The following OSBPL3 variants were observed in gnomAD, a reference collection of about 807,000 sequenced individuals.
The protein encoded by OSBPL3 is oxysterol-binding protein-related protein 3.
Under a neutral mutation model 120.1 loss-of-function variants are expected in OSBPL3, and 65 were observed. That is an observed-to-expected ratio of 0.54 (90% confidence interval 0.44 to 0.67). OSBPL3 has a LOEUF of 0.67. Among genes scored for constraint, OSBPL3 ranks in the 30% least tolerant of loss-of-function variants. The pLI is 0.00. For synonymous variants in OSBPL3, 416 were observed against 402.6 expected (o/e 1.03, Z -0.40); for missense variants, 1,004 against 1,082.1 (o/e 0.93, Z 1.01).
In OSBPL3 at chr7:24,955,219, T is replaced by G. The variant is rs1047521091; in HGVS notation, c.-150+24667A>C. ...AATAAAGTTATAGTTCAATCATTCATGAATTTGCTGAAAGCCAGTAGCAGG... is the reference window on the plus strand; with the variant it reads ...AATAAAGTTATAGTTCAATCATTCAGGAATTTGCTGAAAGCCAGTAGCAGG... On this transcript the variant is annotated intron_variant, in intron 1 of 22. Transcript: ENST00000313367. This position sits in a 1 kb window ranked among gnomAD's most constrained non-coding sequence, Gnocchi z 4.3. Among the ~76,000 whole-genome samples the G allele has an allele frequency of 6.6e-6, 1 of 152,258 alleles. No individual in the cohort carries two copies. The highest frequency in any genetic ancestry group is 1.5e-5 in the Non-Finnish European group (1 of 68,040).
chr7:24,902,773 C>T (rs1240616059), intron 1 of OSBPL3, among the ~76,000 whole-genome samples: 1 of 151,358 alleles, frequency 6.6e-6, no homozygotes, highest in Non-Finnish European at 1.5e-5. Flanking sequence ...AAACGACTGG[C>T]TTATTCTTAG....
chr7:24,841,712 A>AG lies in OSBPL3; in HGVS notation c.1401+566_1401+567insC, dbSNP rs1461918527. Among the ~76,000 whole-genome samples, 10 of 146,864 alleles carry AG rather than the reference A, an allele frequency of 6.8e-5. 1 individual carries two copies. The highest frequency in any genetic ancestry group is 2.2e-4 in the South Asian group (1 of 4,578). ...TATGTCTCAAAAAAAAAAAAAAAAA[A>AG]AAAAAAAAAGAGGCCAGGCACAGTG... On this transcript the variant is annotated intron_variant, in intron 13 of 22. Coordinates refer to ENST00000313367, the MANE Select transcript of OSBPL3 (RefSeq NM_015550.4).
chr7:24,890,436 A>G lies in OSBPL3; in HGVS notation c.96+1941T>C, dbSNP rs527322828. ...GTTCCTGCACCTCTGCAGCACCTTT[A>G]AAGACTGAAGCACAATCTTGGGCCA... is the stretch of plus-strand genomic sequence containing the variant. On this transcript the variant is annotated intron_variant, in intron 2 of 22. Coordinates refer to ENST00000313367, the MANE Select transcript of OSBPL3 (RefSeq NM_015550.4). 3.9e-5 allele frequency among the ~76,000 whole-genome samples: 6 copies of G among 152,278 alleles called. No homozygotes were observed. In the East Asian group the frequency reaches 1.2e-3, roughly 29 times the overall value.
At chr7:24,807,358 T>A (rs2128106948) in intron 20 of OSBPL3, among the ~76,000 whole-genome samples, 1 of 152,204 alleles carries the variant, frequency 6.6e-6, no homozygotes, top group African/African-American at 2.4e-5. Context: ...CCAGGCATGG[T>A]CTCGGGCGCC....
chr7:24,870,050 G>A lies in OSBPL3; in HGVS notation c.381+682C>T, dbSNP rs115142402. Among the ~76,000 whole-genome samples the A allele has an allele frequency of 3.9e-3, 599 of 152,266 alleles. 7 individuals carry two copies. The highest frequency in any genetic ancestry group is 0.014 in the African/African-American group (565 of 41,548). On this transcript the variant is annotated intron_variant, in intron 5 of 22. Transcript: ENST00000313367. ...ATACCAAGTTTTCTACATGCAACCCGACAAGATAAGTATTACAATAATTTT... is the reference window on the plus strand; with the variant it reads ...ATACCAAGTTTTCTACATGCAACCCAACAAGATAAGTATTACAATAATTTT...
At chr7:24,838,787 G>A (rs1376951636) in intron 14 of OSBPL3, among the ~76,000 whole-genome samples, 1 of 152,176 alleles carries the variant, frequency 6.6e-6, no homozygotes, top group African/African-American at 2.4e-5. Flanking sequence ...GTTTGCCAAG[G>A]GAGTGATGTT....
chr7:24,928,145 T>TA (rs1450116810), intron 1 of OSBPL3, among the ~76,000 whole-genome samples: 1 of 152,030 alleles, frequency 6.6e-6, no homozygotes, highest in Non-Finnish European at 1.5e-5. Context: ...TCCCGAACCA[T>TA]GTGTCCTGTA....
At position 24,834,360 on chromosome 7, in the gene OSBPL3, C is replaced by A. The variant is rs1256170061; in HGVS notation, c.1746+126G>T. ...AAGCCAGACAGCTCTGAGTAATGAACCTGTTTACGGAACAATCAAAATGAA... is the reference window on the plus strand; with the variant it reads ...AAGCCAGACAGCTCTGAGTAATGAAACTGTTTACGGAACAATCAAAATGAA... On this transcript the variant is annotated intron_variant, in intron 15 of 22. Coordinates refer to ENST00000313367, the MANE Select transcript of OSBPL3 (RefSeq NM_015550.4). The surrounding 1 kb of genome is among the most constrained non-coding windows in gnomAD (Gnocchi z 5.2). 6.6e-7 allele frequency: 1 copy of A among 1,507,412 alleles called. No homozygotes were observed. The highest frequency in any genetic ancestry group is 2.3e-5 in the Admixed American group (1 of 43,824). The allele number at this position is 1,507,412 out of a possible 1,614,324, so 93.4% of individuals were successfully genotyped here. A position where few individuals can be genotyped will look rare whatever the true frequency, so the allele number is the denominator to read the frequency against.
intron 1 of OSBPL3, among the ~76,000 whole-genome samples, chr7:24,975,745 G>A (rs147899778): frequency 1.3e-5 from 2 of 152,326 alleles, no homozygotes; most frequent in African/African-American, 2.4e-5. Flanking sequence ...AAGGACATCA[G>A]CAACAGAGTT....
At chr7:24,848,565 A>G (rs1798716114) in intron 12 of OSBPL3, among the ~76,000 whole-genome samples, 1 of 152,162 alleles carries the variant, frequency 6.6e-6, no homozygotes, top group South Asian at 2.1e-4. Context: ...GAGACACTTT[A>G]ATTGTAATGA....
At chr7:24,888,610 T>C (rs1027620187) in intron 2 of OSBPL3, among the ~76,000 whole-genome samples, 1 of 152,196 alleles carries the variant, frequency 6.6e-6, no homozygotes, top group Non-Finnish European at 1.5e-5. Flanking sequence ...CCCTAAGTTG[T>C]ACATTTTGTC....
chr7:24,979,809 GCAGCCCTTCCGAGCCCGCGCCGCCGC>G, intron 1 of OSBPL3, 51 bp downstream of exon 1: 1 of 665,106 alleles, frequency 1.5e-6, no homozygotes, highest in Non-Finnish European at 1.8e-6. Flanking sequence ...CCCGCAAACA[GCAGCCCTTCCGAGCCCGCGCCGCCGC>G]CAGGCCCCCC....
In OSBPL3 at chr7:24,896,434, A is replaced by C. The variant is rs1806145504; in HGVS notation, c.-149-3813T>G. ...GTTAAAAGTCAAATGGACACATGAC[A>C]TGCAAACATAAGCTGTCCTGGGGCT... On this transcript the variant is annotated intron_variant, in intron 1 of 22. Transcript: ENST00000313367. This position sits in a 1 kb window ranked among gnomAD's most constrained non-coding sequence, Gnocchi z 4.4. Among the ~76,000 whole-genome samples the C allele has an allele frequency of 6.6e-6, 1 of 152,274 alleles. No individual in the cohort carries two copies. Among genetic ancestry groups the C allele is most frequent in the Non-Finnish European group, 1.5e-5 (1 of 68,044 alleles).
chr7:24,923,245 G>A (rs1810619732), intron 1 of OSBPL3, among the ~76,000 whole-genome samples: 1 of 152,216 alleles, frequency 6.6e-6, no homozygotes, highest in Non-Finnish European at 1.5e-5. Context: ...TGGGGAGTCA[G>A]AGCTAGAAGA....
Position 24,862,983 on chromosome 7 carries a change from A to G in OSBPL3, c.870+217T>C, listed in dbSNP as rs1009656134. On this transcript the variant is annotated intron_variant, in intron 9 of 22. Transcript: ENST00000313367. The surrounding 1 kb of genome is among the most constrained non-coding windows in gnomAD (Gnocchi z 4.4). ...GACCTCACACCCTTTTTCCCTTAGA[A>G]AAAATTCTCTCCCTTGCCCACGATC... Among the ~76,000 whole-genome samples, 1 of 152,196 alleles carries G rather than the reference A, an allele frequency of 6.6e-6. No homozygotes were observed. Among genetic ancestry groups the G allele is most frequent in the Non-Finnish European group, 1.5e-5 (1 of 68,026 alleles).
At chr7:24,963,243 G>T (rs937678287) in intron 1 of OSBPL3, among the ~76,000 whole-genome samples, 1 of 152,092 alleles carries the variant, frequency 6.6e-6, no homozygotes, top group African/African-American at 2.4e-5. Context: ...CTTCTTTCTT[G>T]AATTCATCCT....
intron 2 of OSBPL3, among the ~76,000 whole-genome samples, chr7:24,882,699 C>T (rs1392650916): frequency 1.3e-5 from 2 of 152,230 alleles, no homozygotes; most frequent in African/African-American, 4.8e-5. Context: ...TTCCCATTGA[C>T]AGTGTGAAAG....
intron 1 of OSBPL3, among the ~76,000 whole-genome samples, chr7:24,950,751 T>C (rs913034379): frequency 1.3e-5 from 2 of 151,784 alleles, no homozygotes; most frequent in Non-Finnish European, 2.9e-5. Flanking sequence ...AACAAAAACA[T>C]GTAAAATTTC....
intron 19 of OSBPL3, among the ~76,000 whole-genome samples, chr7:24,812,537 C>T (rs1007461501): frequency 6.6e-6 from 1 of 151,942 alleles, no homozygotes; most frequent in Admixed American, 6.6e-5. Context: ...GGAGCTCTAG[C>T]ACCCTAGAGT....
Sources: allele counts gnomAD v4.1 joint callset (sites outside exome capture counted in the v4.1 genomes callset), GRCh38; gene constraint gnomAD v4.1.1; non-coding constraint Gnocchi (gnomAD v3.1); transcripts MANE v1.5; gene names NCBI Gene and HGNC (gene_info 2026-07-23, HGNC 2026-07-21).